Variants in MAP4K3 observed in about 807,000 individuals in gnomAD.
MAP4K3 encodes the protein mitogen-activated protein kinase kinase kinase kinase 3, also known as MAPK/ERK kinase kinase kinase 3.
Under a neutral mutation model 143.5 loss-of-function variants are expected in MAP4K3, and 94 were observed. The observed-to-expected ratio is 0.65, with a 90% CI of 0.55 to 0.78. MAP4K3 has a LOEUF of 0.78. MAP4K3 is among the 30% of genes least tolerant of loss of function. The pLI is 0.00. For synonymous variants in MAP4K3, 416 were observed against 347.2 expected (o/e 1.20, Z -2.20); for missense variants, 1,077 against 1,068.1 (o/e 1.01, Z -0.12).
chr2:39,410,798 A>T (rs1667213200), intron 1 of MAP4K3, among the ~76,000 whole-genome samples: 1 of 152,218 alleles, frequency 6.6e-6, no homozygotes, highest in African/African-American at 2.4e-5. Context: ...AAATGCACAG[A>T]ATAGCCATTT....
At chr2:39,382,387 A>T (rs538453258) in intron 1 of MAP4K3, among the ~76,000 whole-genome samples, 3 of 152,208 alleles carry the variant, frequency 2.0e-5, no homozygotes, top group South Asian at 4.1e-4. Context: ...GTCCGATGTG[A>T]ATATGAATAC....
intron 15 of MAP4K3, among the ~76,000 whole-genome samples, chr2:39,305,770 T>C (rs1198658525): frequency 6.6e-6 from 1 of 151,840 alleles, no homozygotes; most frequent in Non-Finnish European, 1.5e-5. Context: ...AGCCACAATA[T>C]GGTAACTTAT....
chr2:39,411,530 T>C (rs1241899000), intron 1 of MAP4K3, among the ~76,000 whole-genome samples: 2 of 152,256 alleles, frequency 1.3e-5, no homozygotes, highest in Admixed American at 1.3e-4. Flanking sequence ...TTTATGCTTA[T>C]GCTTAATGTC....
chr2:39,434,442 A>C (rs899432658), intron 1 of MAP4K3, among the ~76,000 whole-genome samples: 12 of 152,198 alleles, frequency 7.9e-5, no homozygotes, highest in African/African-American at 2.9e-4. Context: ...GCAGGGACCA[A>C]GCATCTATTA....
chr2:39,364,865 CAAAAAA>C (rs70957105), intron 2 of MAP4K3, among the ~76,000 whole-genome samples: 3 of 114,724 alleles, frequency 2.6e-5, no homozygotes, highest in Non-Finnish European at 5.2e-5. Flanking sequence ...AACTCTGTCT[CAAAAAA>C]AAAAAAAAAA....
Position 39,260,587 on chromosome 2 carries a change from T to C in MAP4K3, c.2308+19A>G. 1 of 1,610,368 alleles carries C rather than the reference T, an allele frequency of 6.2e-7. No individual in the cohort carries two copies. Among genetic ancestry groups the C allele is most frequent in the Non-Finnish European group, 8.5e-7 (1 of 1,177,126 alleles). ...CCAGTATATGTATTACCCTTAATAA[T>C]TCCATAAAAATTACAAACCTGATTC... On this transcript the variant is annotated intron_variant, in intron 29 of 33. Transcript: ENST00000263881.
intron 1 of MAP4K3, among the ~76,000 whole-genome samples, chr2:39,424,772 A>T (rs1665011462): frequency 6.8e-6 from 1 of 146,662 alleles, no homozygotes; most frequent in Admixed American, 6.8e-5. Flanking sequence ...TTGAGGCTGC[A>T]GTGAGCCTTG....
At chr2:39,313,373 A>T (rs1286133149) in intron 13 of MAP4K3, among the ~76,000 whole-genome samples, 2 of 149,994 alleles carry the variant, frequency 1.3e-5, no homozygotes, top group African/African-American at 2.5e-5. Context: ...CCTCCTCCTA[A>T]CTCTTCACCC....
chr2:39,313,185 C>A (rs185097232), intron 13 of MAP4K3, among the ~76,000 whole-genome samples: 2 of 152,308 alleles, frequency 1.3e-5, no homozygotes, highest in East Asian at 3.9e-4. Flanking sequence ...TCCCAGTCTG[C>A]GGCACTGTTT....
intron 1 of MAP4K3, among the ~76,000 whole-genome samples, chr2:39,396,048 T>C (rs867170361): frequency 1.3e-5 from 2 of 152,132 alleles, no homozygotes; most frequent in African/African-American, 4.8e-5. Flanking sequence ...GTTTGTCTGT[T>C]TGTTTTGAGA....
intron 13 of MAP4K3, among the ~76,000 whole-genome samples, chr2:39,313,811 G>A (rs1683023737): frequency 6.6e-6 from 1 of 151,748 alleles, no homozygotes; most frequent in Non-Finnish European, 1.5e-5. Flanking sequence ...ACTGTGCCCA[G>A]CCTAGACATC....
rs58960920 is a variant in MAP4K3 at position 39,424,830 on chromosome 2, CAAAA to C, written c.96+12058_96+12061del. Among the ~76,000 whole-genome samples, 79 of 68,174 alleles carry C rather than the reference CAAAA, an allele frequency of 1.2e-3. 1 individual carries two copies. Among genetic ancestry groups the C allele is most frequent in the African/African-American group, 4.0e-3 (66 of 16,704 alleles). 44.7% of individuals were successfully genotyped at this position (68,174 alleles called of 152,430 possible). Reference sequence around the variant, plus strand: ...TGGGTGACAGAGTTATAACCTGACTCAAAAAAAAAAAAAAAAAAAAAAAAGTTAC... The same window carrying C: ...TGGGTGACAGAGTTATAACCTGACTCAAAAAAAAAAAAAAAAAAAAGTTAC... On this transcript the variant is annotated intron_variant, in intron 1 of 33. Coordinates refer to ENST00000263881, the MANE Select transcript of MAP4K3 (RefSeq NM_003618.4).
At chr2:39,339,219 G>C (rs1343675968) in intron 4 of MAP4K3, among the ~76,000 whole-genome samples, 1 of 152,150 alleles carries the variant, frequency 6.6e-6, no homozygotes, top group Non-Finnish European at 1.5e-5. Context: ...ATTATTTTAA[G>C]GACCGGGTTG....
chr2:39,368,642 C>T (rs1393267774), intron 2 of MAP4K3, among the ~76,000 whole-genome samples: 1 of 151,632 alleles, frequency 6.6e-6, no homozygotes, highest in African/African-American at 2.4e-5. Flanking sequence ...ATACTCCAGC[C>T]TGGGTGACAG....
chr2:39,328,618 C>T (rs1227702178), intron 8 of MAP4K3, among the ~76,000 whole-genome samples: 1 of 152,080 alleles, frequency 6.6e-6, no homozygotes, highest in East Asian at 1.9e-4. Flanking sequence ...TGGATAGTGT[C>T]AATGTGTTCT....
rs1056811510 is a variant in MAP4K3, at chr2:39,396,478, AT to A, written c.97-18356del. On this transcript the variant is annotated intron_variant, in intron 1 of 33. Transcript: ENST00000263881. ...AATGTGCTTTAACTTCAAGCCCCCAATTTTTTTTTTTTTTTTTTTTAAGCAG... is the reference window on the plus strand; with the variant it reads ...AATGTGCTTTAACTTCAAGCCCCCAATTTTTTTTTTTTTTTTTTTAAGCAG... Among the ~76,000 whole-genome samples the A allele has an allele frequency of 3.8e-3, 530 of 138,110 alleles. 1 individual carries two copies. Among genetic ancestry groups the A allele is most frequent in the African/African-American group, 5.5e-3 (209 of 37,734 alleles). The allele number at this position is 138,110 out of a possible 152,430, so 90.6% of individuals were successfully genotyped here.
intron 12 of MAP4K3, among the ~76,000 whole-genome samples, chr2:39,324,090 A>G (rs1683408112): frequency 1.3e-5 from 2 of 152,212 alleles, no homozygotes; most frequent in South Asian, 4.1e-4. Flanking sequence ...CTTTCTTAAA[A>G]ATAAAATTAA....
rs181222421 is a variant in MAP4K3, at chr2:39,317,373, T to C, written c.919-1985A>G. ...ATAAGCAAAGATTTCATGATGAAGA[T>C]GCCAAAAGCAATTGCCACAAAACCA... is the stretch of plus-strand genomic sequence containing the variant. On this transcript the variant is annotated intron_variant, in intron 12 of 33. Transcript: ENST00000263881. Among the ~76,000 whole-genome samples the C allele has an allele frequency of 3.8e-4, 58 of 152,100 alleles. No individual in the cohort carries two copies. In the East Asian group the frequency reaches 0.011, roughly 28 times the overall value.
chr2:39,340,313 C>T (rs955130006), intron 4 of MAP4K3, among the ~76,000 whole-genome samples: 2 of 152,020 alleles, frequency 1.3e-5, no homozygotes, highest in East Asian at 3.8e-4. Flanking sequence ...CACATTGCCA[C>T]GAAAAGGTTA....
Sources: allele counts gnomAD v4.1 joint callset (sites outside exome capture counted in the v4.1 genomes callset), GRCh38; gene constraint gnomAD v4.1.1; transcripts MANE v1.5; gene names NCBI Gene and HGNC (gene_info 2026-07-23, HGNC 2026-07-21).